PYHIN1: variants seen among roughly 807,000 people sequenced by gnomAD.
PYHIN1 encodes the protein pyrin and HIN domain-containing protein 1.
A neutral mutation model predicts 43.7 loss-of-function variants in PYHIN1; 32 were observed. The ratio of observed to expected loss-of-function variants is 0.73; its 90% confidence interval spans 0.55 to 0.98. The LOEUF (loss-of-function observed/expected upper bound fraction) is 0.98. Ranked by LOEUF, PYHIN1 falls within the 50% of genes least tolerant of loss-of-function variation. The pLI, the probability that PYHIN1 is intolerant of heterozygous loss-of-function variation, is 0.00. For missense variants in PYHIN1, 588 were observed against 589.5 expected, an observed-to-expected ratio of 1.00 and a Z score of 0.03; for synonymous variants, 205 against 203.1, an observed-to-expected ratio of 1.01 and a Z score of -0.08.
downstream of PYHIN1, among the ~76,000 whole-genome samples, chr1:158,980,543 T>C (rs856138): frequency 0.93 from 141,902 of 152,028 alleles, 67,019 homozygotes; most frequent in East Asian, 1. Flanking sequence ...GATCTATAAA[T>C]GGCTGCTCTG....
chr1:158,985,026 C>T, the PYHIN1 span, among the ~76,000 whole-genome samples: 1 of 152,032 alleles, frequency 6.6e-6, no homozygotes, highest in African/African-American at 2.4e-5. Flanking sequence ...ATTCCTCCAT[C>T]CATTTAATTT....
the PYHIN1 span, among the ~76,000 whole-genome samples, chr1:158,989,807 A>T: frequency 6.2e-3 from 941 of 152,282 alleles, 5 homozygotes; most frequent in Middle Eastern, 0.014. Flanking sequence ...CTTTAAAACT[A>T]ATACATTCTT....
At chr1:158,945,723 G>A (rs1649183173) in intron 7 of PYHIN1, among the ~76,000 whole-genome samples, 1 of 152,210 alleles carries the variant, frequency 6.6e-6, no homozygotes, top group African/African-American at 2.4e-5. Flanking sequence ...AATAGGGTCA[G>A]TGTAGCACAT....
intron 7 of PYHIN1, among the ~76,000 whole-genome samples, chr1:158,971,439 T>C (rs1650927953): frequency 6.6e-6 from 1 of 151,800 alleles, no homozygotes; most frequent in Non-Finnish European, 1.5e-5. Context: ...TATATATATA[T>C]ATAAAGACAT....
chr1:158,983,077 T>C, the PYHIN1 span, among the ~76,000 whole-genome samples: 4 of 152,164 alleles, frequency 2.6e-5, no homozygotes, highest in African/African-American at 9.6e-5. Flanking sequence ...AGAATCATAT[T>C]ACCTGCAAAA....
intron 7 of PYHIN1, among the ~76,000 whole-genome samples, chr1:158,946,338 A>G (rs1649218192): frequency 1.3e-5 from 2 of 152,222 alleles, no homozygotes; most frequent in Non-Finnish European, 2.9e-5. Flanking sequence ...CAGTGAAAAT[A>G]GAGAAAATTA....
Position 158,943,845 on chromosome 1 carries a change from T to C in PYHIN1, c.1058T>C (p.Met353Thr), listed in dbSNP as rs540965011. ...IYEIQDKTGSMAVVGKGECHN... is the reference protein window; with the variant it reads ...IYEIQDKTGSTAVVGKGECHN... ...GAAATTCAGGATAAAACAGGAAGTA[T>C]GGCTGTAGTAGGAAAAGGAGAATGC... The change falls in exon 6 of 9, where the codon ATG becomes ACG. Residue 353 changes from methionine to threonine, a missense_variant. Coordinates refer to ENST00000368140, the MANE Select transcript of PYHIN1 (RefSeq NM_152501.5). 6.2e-7 allele frequency: 1 copy of C among 1,609,868 alleles called. No individual in the cohort carries two copies. Among genetic ancestry groups the C allele is most frequent in the South Asian group, 1.1e-5 (1 of 90,612 alleles).
chr1:158,943,764 A>G (rs758049322), intron 5 of PYHIN1, 26 bp from the exon 6 acceptor site: 1 of 1,568,738 alleles, frequency 6.4e-7, no homozygotes, highest in East Asian at 2.3e-5. Flanking sequence ...TGTTCTCACA[A>G]ACATGATATT....
chr1:158,948,850 C>T (rs562816423), intron 7 of PYHIN1, among the ~76,000 whole-genome samples: 1 of 152,226 alleles, frequency 6.6e-6, no homozygotes, highest in Non-Finnish European at 1.5e-5. Context: ...AATATCATAA[C>T]ACTAGCAATA....
intron 7 of PYHIN1, among the ~76,000 whole-genome samples, chr1:158,952,799 G>C (rs1265264861): frequency 6.6e-6 from 1 of 152,238 alleles, no homozygotes; most frequent in Non-Finnish European, 1.5e-5. Context: ...CCCAGCGTAA[G>C]CGACGCAGAA....
At chr1:158,961,833 G>A (rs1006608011) in intron 7 of PYHIN1, among the ~76,000 whole-genome samples, 6 of 152,250 alleles carry the variant, frequency 3.9e-5, no homozygotes, top group East Asian at 1.9e-4. Context: ...TGGAATTAGC[G>A]GCTGCAGCTC....
rs1649741232 is a variant in PYHIN1, at chr1:158,953,792, C to T, written c.1359+8750C>T. Among the ~76,000 whole-genome samples, 4 of 152,156 alleles carry T rather than the reference C, an allele frequency of 2.6e-5. No individual in the cohort carries two copies. In the South Asian group the frequency reaches 8.3e-4, roughly 32 times the overall value. On this transcript the variant is annotated intron_variant, in intron 7 of 8. Transcript: ENST00000368140. ...CTGAGAAAAGAAGGCTTCAGATGATCAAATTACTCTGAGCTATGGGAGGAC... is the reference window on the plus strand; with the variant it reads ...CTGAGAAAAGAAGGCTTCAGATGATTAAATTACTCTGAGCTATGGGAGGAC...
chr1:158,958,118 G>A (rs1351604642), intron 7 of PYHIN1, among the ~76,000 whole-genome samples: 3 of 151,418 alleles, frequency 2.0e-5, no homozygotes, highest in South Asian at 2.1e-4. Flanking sequence ...AGGTGCTGGA[G>A]AGGATGTGGA....
intron 7 of PYHIN1, among the ~76,000 whole-genome samples, chr1:158,968,244 T>C (rs1259105658): frequency 6.6e-6 from 1 of 151,722 alleles, no homozygotes. Flanking sequence ...TAAACCAATT[T>C]ACAAGAAAAA....
intron 7 of PYHIN1, among the ~76,000 whole-genome samples, chr1:158,954,232 A>C (rs2101688646): frequency 2.7e-5 from 1 of 36,740 alleles, no homozygotes; most frequent in South Asian, 8.9e-4. Context: ...CAACGTTCAG[A>C]TTCAGGAAAT....
the PYHIN1 span, among the ~76,000 whole-genome samples, chr1:158,983,970 G>T: frequency 6.8e-6 from 1 of 147,970 alleles, no homozygotes. Flanking sequence ...TATTTCTGTG[G>T]GTTCCATGGT....
chr1:158,939,500 C>T, intron 4 of PYHIN1: 2 of 1,550,810 alleles, frequency 1.3e-6, no homozygotes, highest in Non-Finnish European at 8.7e-7. Context: ...CTGGAACTTT[C>T]AGCAACAGAC....
chr1:158,980,916 T>C (rs1348285990), downstream of PYHIN1, among the ~76,000 whole-genome samples: 1 of 152,154 alleles, frequency 6.6e-6, no homozygotes, highest in Non-Finnish European at 1.5e-5. Flanking sequence ...AAAAACTTGC[T>C]GGTCTGAGAC....
chr1:158,962,947 C>T (rs746000569), intron 7 of PYHIN1, among the ~76,000 whole-genome samples: 57 of 152,192 alleles, frequency 3.7e-4, no homozygotes, highest in Non-Finnish European at 6.6e-4. Flanking sequence ...AAACAAAGAC[C>T]CCGAGAGTTT....
Sources: allele counts gnomAD v4.1 joint callset (sites outside exome capture counted in the v4.1 genomes callset), GRCh38; gene constraint gnomAD v4.1.1; transcripts MANE v1.5; gene names NCBI Gene and HGNC (gene_info 2026-07-23, HGNC 2026-07-21).